DCN: variants seen among roughly 807,000 people sequenced by gnomAD.
DCN encodes the protein decorin, also known as bone proteoglycan II.
DCN carries 17 observed loss-of-function variants against 36.5 expected under a neutral mutation model. The observed-to-expected ratio is 0.47, with a 90% CI of 0.32 to 0.70. DCN has a LOEUF of 0.70. Ranked by LOEUF, DCN falls within the 30% of genes least tolerant of loss-of-function variation. The pLI, the probability that DCN is intolerant of heterozygous loss-of-function variation, is 0.04. For missense variants in DCN, 389 were observed against 430.1 expected (o/e 0.90, Z 0.84); for synonymous variants, 163 against 161.4 (o/e 1.01, Z -0.07).
Position 91,178,341 on chromosome 12 carries a change from C to T in DCN, c.211+1G>A. 6.2e-7 allele frequency: 1 copy of T among 1,613,186 alleles called. No individual in the cohort carries two copies. Among genetic ancestry groups the T allele is most frequent in the Non-Finnish European group, 8.5e-7 (1 of 1,179,418 alleles). On this transcript the variant is annotated splice_donor_variant, in intron 2 of 7. Transcript: ENST00000052754. LOFTEE classifies it high-confidence loss of function. ...GTAAAGAGAAACTGCATCCCACTCACCCAAATCAGAACACTGGACCACTCG... is the reference window on the plus strand; with the variant it reads ...GTAAAGAGAAACTGCATCCCACTCATCCAAATCAGAACACTGGACCACTCG...
intron 3 of DCN, among the ~76,000 whole-genome samples, chr12:91,160,198 G>A (rs917808900): frequency 6.6e-6 from 1 of 151,948 alleles, no homozygotes; most frequent in Admixed American, 6.6e-5. Flanking sequence ...AAAAAATCAG[G>A]GAAAAGCCAG....
intron 2 of DCN, chr12:91,172,874 G>A (rs1883060362): frequency 5.0e-6 from 3 of 605,534 alleles, no homozygotes; most frequent in African/African-American, 3.9e-5. Flanking sequence ...CTTTTCTAGT[G>A]AAAAAAAATA....
At chr12:91,178,898 T>C (rs899172262) in intron 1 of DCN, among the ~76,000 whole-genome samples, 4 of 152,110 alleles carry the variant, frequency 2.6e-5, no homozygotes, top group Non-Finnish European at 5.9e-5. Context: ...ATAAATCATG[T>C]TGGGCTTTTC....
rs762795489 is a variant in DCN at position 91,164,708 on chromosome 12, T to C, written c.221A>G (p.Lys74Arg). Residue 74 changes from lysine to arginine, a missense_variant, in exon 3 of 8, where the codon AAA becomes AGA. Lys to Arg is a conservative substitution (Grantham distance 26, BLOSUM62 2). Transcript: ENST00000052754. ...VVQCSDLGLD[K>R]VPKDLPPDTT... ...GTCAGGGGGAAGATCCTTTGGCACT[T>C]TGTCCAGACCTAGCATAAGAGTAAT... The C allele has an allele frequency of 8.8e-6, 14 of 1,591,282 alleles. No individual in the cohort carries two copies. The highest frequency in any genetic ancestry group is 1.2e-5 in the Non-Finnish European group (14 of 1,159,250).
chr12:91,172,846 T>A (rs1185917091), intron 2 of DCN: 10 of 649,308 alleles, frequency 1.5e-5, no homozygotes, highest in Non-Finnish European at 2.8e-6. Flanking sequence ...TGTACGAAGA[T>A]AAATTATTGC....
At position 91,141,054 on chromosome 12, in the gene DCN, GA is replaced by G. The variant is rs1565766436; in HGVS notation, c.*5003del. 2 of 152,176 alleles carry G rather than the reference GA, an allele frequency of 1.3e-5. No homozygotes were observed. The highest frequency in any genetic ancestry group is 4.8e-5 in the African/African-American group (2 of 41,510). 9.4% of individuals were successfully genotyped at this position (152,176 alleles called of 1,614,324 possible). On this transcript the variant is annotated 3_prime_UTR_variant, in exon 8 of 8. Transcript: ENST00000052754. ...TCACCTGATTATTGCACTAGCATCC[GA>G]AATATTCTCTCTTGGCCTATTCCTG...
chr12:91,159,348 G>A (rs1882013450), intron 3 of DCN, among the ~76,000 whole-genome samples: 1 of 152,054 alleles, frequency 6.6e-6, no homozygotes, highest in Non-Finnish European at 1.5e-5. Flanking sequence ...TAAGAGTATG[G>A]CCAAAATAAT....
chr12:91,176,159 G>T (rs182210009), intron 2 of DCN: 1 of 152,022 alleles, frequency 6.6e-6, no homozygotes, highest in East Asian at 1.9e-4. Context: ...AGAGATAGCT[G>T]ATTAAAACTT....
intron 2 of DCN, chr12:91,177,764 T>A (rs372054610): frequency 7.1e-5 from 49 of 691,072 alleles, no homozygotes; most frequent in Admixed American, 2.8e-4. Flanking sequence ...GCAGCTGGAT[T>A]ACAAAATGTC....
rs5799978 is a variant in DCN, at chr12:91,148,721, C to CAAAAAAAAAAAAAAAAAAA, written c.886-2488_886-2470dup. 6.3e-4 allele frequency among the ~76,000 whole-genome samples: 31 copies of CAAAAAAAAAAAAAAAAAAA among 49,474 alleles called. 2 individuals are homozygous for CAAAAAAAAAAAAAAAAAAA. The highest frequency in any genetic ancestry group is 1.1e-3 in the African/African-American group (17 of 15,224). The allele number at this position is 49,474 out of a possible 152,430, so 32.5% of individuals were successfully genotyped here. Reference sequence around the variant, plus strand: ...GGTGACAGAGCGAGACGCTCCGACTCAAAAAAAAAAAAAAAAAAAAAAAAA... The same window carrying CAAAAAAAAAAAAAAAAAAA: ...GGTGACAGAGCGAGACGCTCCGACTCAAAAAAAAAAAAAAAAAAAAAAAAAAAAAAAAAAAAAAAAAAAA... On this transcript the variant is annotated intron_variant, in intron 7 of 7. Transcript: ENST00000052754.
chr12:91,151,189 G>A (rs3138269), intron 7 of DCN: 2,644 of 204,042 alleles, frequency 0.013, 70 homozygotes, highest in African/African-American at 0.06. Context: ...TTCTGCAAAC[G>A]TATCTCATTT....
chr12:91,181,397 A>C (rs1044499702), intron 1 of DCN, among the ~76,000 whole-genome samples: 1 of 152,048 alleles, frequency 6.6e-6, no homozygotes, highest in African/African-American at 2.4e-5. Context: ...TTCTTTCCTT[A>C]ATTAATCAGA....
At chr12:91,172,988 G>A (rs2121298764) in intron 2 of DCN, 1 of 434,226 alleles carries the variant, frequency 2.3e-6, no homozygotes, top group East Asian at 3.7e-5. Flanking sequence ...CAGTAAAAAA[G>A]GCAGAAGTAG....
intron 4 of DCN, 53 bp downstream of exon 4, chr12:91,158,243 C>A: frequency 8.8e-7 from 1 of 1,130,280 alleles, no homozygotes; most frequent in Non-Finnish European, 1.4e-6. Flanking sequence ...CAGTTGAAAT[C>A]TCTTAAGATA....
At position 91,140,954 on chromosome 12, in the gene DCN, C is replaced by A. The variant is rs1436002787; in HGVS notation, c.*5104G>T. The A allele has an allele frequency of 6.6e-6, 1 of 152,220 alleles. No homozygotes were observed. Among genetic ancestry groups the A allele is most frequent in the African/African-American group, 2.4e-5 (1 of 41,460 alleles). 9.4% of individuals were successfully genotyped at this position (152,220 alleles called of 1,614,324 possible). A position where few individuals can be genotyped will look rare whatever the true frequency, so the allele number is the denominator to read the frequency against. ...CAGCCATCCCTGGCCTCTCTACCAT[C>A]AAAACAAACCCCATATTTTGATCCC... On this transcript the variant is annotated 3_prime_UTR_variant, in exon 8 of 8. Transcript: ENST00000052754.
intron 7 of DCN, among the ~76,000 whole-genome samples, chr12:91,150,445 A>T (rs985120083): frequency 2.6e-5 from 4 of 151,700 alleles, no homozygotes; most frequent in Non-Finnish European, 2.9e-5. Context: ...AAATTTCTAG[A>T]TGTTAAAGTA....
chr12:91,172,785 A>C (rs1393468389), intron 2 of DCN: 1 of 700,432 alleles, frequency 1.4e-6, no homozygotes, highest in Admixed American at 2.0e-5. Flanking sequence ...TCAATCGTTC[A>C]GTGATGTGTA....
intron 1 of DCN, among the ~76,000 whole-genome samples, chr12:91,181,616 G>A (rs1235830791): frequency 6.6e-6 from 1 of 151,850 alleles, no homozygotes; most frequent in Non-Finnish European, 1.5e-5. Context: ...ATAATTTCTG[G>A]TTCCTAAAAC....
chr12:91,175,218 A>G (rs1370832183), intron 2 of DCN: 2 of 152,076 alleles, frequency 1.3e-5, no homozygotes, highest in Non-Finnish European at 2.9e-5. Context: ...AAAAGAAGAC[A>G]AGATATGGGT....
Sources: allele counts gnomAD v4.1 joint callset (sites outside exome capture counted in the v4.1 genomes callset), GRCh38; gene constraint gnomAD v4.1.1; transcripts MANE v1.5; gene names NCBI Gene and HGNC (gene_info 2026-07-23, HGNC 2026-07-21).